The following TMTC2 variants were observed in gnomAD, a reference collection of about 807,000 sequenced individuals.
TMTC2 encodes transmembrane O-mannosyltransferase targeting cadherins 2.
In TMTC2, 43 loss-of-function variants were observed where a neutral mutation model predicts 82.4. The ratio of observed to expected loss-of-function variants is 0.52; its 90% CI spans 0.41 to 0.67. The LOEUF (loss-of-function observed/expected upper bound fraction) is 0.67, where lower values mean the gene tolerates loss of function less well. Among genes scored for constraint, TMTC2 ranks in the 30% least tolerant of loss-of-function variants. The pLI is 0.00. For missense variants in TMTC2, 919 were observed against 1,012.4 expected (o/e 0.91, Z 1.25); for synonymous variants, 408 against 381.9 (o/e 1.07, Z -0.80).
At chr12:83,062,840 A>G (rs1450534193) in intron 11 of TMTC2, among the ~76,000 whole-genome samples, 1 of 151,776 alleles carries the variant, frequency 6.6e-6, no homozygotes. Flanking sequence ...AAAGAGACCT[A>G]TGTGGGAGGT....
intron 1 of TMTC2, among the ~76,000 whole-genome samples, chr12:82,847,450 T>C (rs1470748125): frequency 6.6e-6 from 1 of 152,180 alleles, no homozygotes; most frequent in Non-Finnish European, 1.5e-5. Flanking sequence ...ACTGGGTATA[T>C]ACCCAAAGGA....
chr12:82,946,297 C>T (rs1876988525), intron 4 of TMTC2, among the ~76,000 whole-genome samples: 2 of 152,184 alleles, frequency 1.3e-5, no homozygotes, highest in South Asian at 4.1e-4. Context: ...TGCAATAGTG[C>T]TTAGCATATG....
chr12:82,942,276 T>A (rs1270154127), intron 4 of TMTC2, among the ~76,000 whole-genome samples: 2 of 152,176 alleles, frequency 1.3e-5, no homozygotes, highest in East Asian at 3.9e-4. Context: ...CAGAAAAAAT[T>A]AAATAGTAAA....
intron 4 of TMTC2, among the ~76,000 whole-genome samples, chr12:82,954,196 C>A (rs1156229910): frequency 6.6e-6 from 1 of 152,058 alleles, no homozygotes; most frequent in South Asian, 2.1e-4. Flanking sequence ...AAATGCTATC[C>A]TCTGTAACTC....
chr12:83,057,112 A>T (rs937492258), intron 10 of TMTC2, among the ~76,000 whole-genome samples: 2 of 151,942 alleles, frequency 1.3e-5, no homozygotes, highest in African/African-American at 4.8e-5. Context: ...ACATGTGAAT[A>T]TAACAGTTGA....
At chr12:82,727,994 A>G (rs1434723365) in intron 1 of TMTC2, among the ~76,000 whole-genome samples, 2 of 152,136 alleles carry the variant, frequency 1.3e-5, no homozygotes, top group African/African-American at 4.8e-5. Context: ...AGTCAAGGAT[A>G]TGAGGTCCCT....
At chr12:83,100,583 G>T (rs1234179478) in intron 11 of TMTC2, among the ~76,000 whole-genome samples, 1 of 151,784 alleles carries the variant, frequency 6.6e-6, no homozygotes, top group East Asian at 1.9e-4. Context: ...CTTTGAAACT[G>T]TTTCTCCCCA....
At chr12:83,000,772 G>A (rs1879885298) in intron 8 of TMTC2, among the ~76,000 whole-genome samples, 1 of 152,176 alleles carries the variant, frequency 6.6e-6, no homozygotes, top group African/African-American at 2.4e-5. Context: ...TCCTTCATGA[G>A]GGCTCCACCC....
intron 1 of TMTC2, among the ~76,000 whole-genome samples, chr12:82,812,964 C>T (rs576160009): frequency 6.6e-6 from 1 of 152,096 alleles, no homozygotes; most frequent in South Asian, 2.1e-4. Flanking sequence ...TAGTTATTTG[C>T]CGTCACACTG....
intron 1 of TMTC2, among the ~76,000 whole-genome samples, chr12:82,804,547 G>A (rs1299571433): frequency 1.3e-5 from 2 of 152,026 alleles, no homozygotes; most frequent in African/African-American, 4.8e-5. Flanking sequence ...TGCAATAGGT[G>A]CTTAGCTAAA....
chr12:82,874,928 G>T (rs1872401071), intron 2 of TMTC2, among the ~76,000 whole-genome samples: 1 of 151,798 alleles, frequency 6.6e-6, no homozygotes, highest in Non-Finnish European at 1.5e-5. Context: ...TAATTATAGA[G>T]AAATTAAAAG....
At position 82,896,263 on chromosome 12, in the gene TMTC2, C is replaced by A; in HGVS notation, c.1100C>A (p.Ser367Tyr). The A allele has an allele frequency of 6.2e-7, 1 of 1,614,054 alleles. No individual in the cohort carries two copies. The highest frequency in any genetic ancestry group is 1.1e-5 in the South Asian group (1 of 91,072). Reference protein sequence around the residue: ...DVEYQNSETKSSFASKVENGI... With the variant: ...DVEYQNSETKYSFASKVENGI... ...GAGTACCAGAACTCAGAGACTAAGTCCAGCTTTGCATCCAAAGTAGAAAAT... is the reference window on the plus strand; with the variant it reads ...GAGTACCAGAACTCAGAGACTAAGTACAGCTTTGCATCCAAAGTAGAAAAT... The change falls in exon 3 of 12, where the codon TCC becomes TAC. Residue 367 changes from serine to tyrosine, a missense_variant. Transcript: ENST00000321196.
chr12:83,072,942 T>G (rs910337568), intron 11 of TMTC2, among the ~76,000 whole-genome samples: 1 of 152,196 alleles, frequency 6.6e-6, no homozygotes, highest in Admixed American at 6.5e-5. Context: ...TCTTATCCAT[T>G]CTGTGGTTCT....
At chr12:83,056,104 A>C (rs549570995) in intron 10 of TMTC2, among the ~76,000 whole-genome samples, 1 of 152,152 alleles carries the variant, frequency 6.6e-6, no homozygotes, top group Admixed American at 6.6e-5. Context: ...TGGAATGTGT[A>C]AATAAATGCT....
intron 4 of TMTC2, among the ~76,000 whole-genome samples, chr12:82,961,266 C>A (rs566103361): frequency 6.6e-6 from 1 of 150,632 alleles, no homozygotes. Context: ...TTCTGTTTAT[C>A]ATGTTATCAG....
chr12:82,970,380 G>A (rs945502286), intron 7 of TMTC2, among the ~76,000 whole-genome samples: 12 of 151,976 alleles, frequency 7.9e-5, no homozygotes, highest in African/African-American at 2.7e-4. Flanking sequence ...GCGGGACTGC[G>A]GACTGCAGTG....
intron 1 of TMTC2, among the ~76,000 whole-genome samples, chr12:82,818,498 G>A (rs926569518): frequency 2.8e-4 from 42 of 152,112 alleles, no homozygotes; most frequent in African/African-American, 9.9e-4. Context: ...CAATAGAAAG[G>A]TTAATTGCAA....
intron 1 of TMTC2, among the ~76,000 whole-genome samples, chr12:82,772,329 G>A (rs1877353218): frequency 6.6e-6 from 1 of 152,140 alleles, no homozygotes; most frequent in African/African-American, 2.4e-5. Context: ...GCAGGATCTG[G>A]GACTGCTTTA....
intron 11 of TMTC2, among the ~76,000 whole-genome samples, chr12:83,087,565 C>T (rs1182720295): frequency 2.6e-5 from 4 of 151,872 alleles, no homozygotes; most frequent in Admixed American, 2.0e-4. Flanking sequence ...TGAAATTGCT[C>T]TTCGATCCAT....
Sources: gnomAD v4.1 joint callset for allele counts (sites outside exome capture counted in the v4.1 genomes callset) on GRCh38, gnomAD v4.1.1 for gene constraint, MANE v1.5 for transcripts, NCBI Gene and HGNC (gene_info 2026-07-23, HGNC 2026-07-21) for gene names.